ABCA12: variants seen among roughly 807,000 people sequenced by gnomAD.
The protein encoded by ABCA12 is ATP binding cassette subfamily A member 12.
Under a neutral mutation model 293.5 loss-of-function variants are expected in ABCA12, and 156 were observed. The ratio of observed to expected loss-of-function variants is 0.53; its 90% CI spans 0.47 to 0.61. The LOEUF (loss-of-function observed/expected upper bound fraction) is 0.61, where lower values mean the gene tolerates loss of function less well. Ranked by LOEUF, ABCA12 falls within the 20% of genes least tolerant of loss-of-function variation. ABCA12 has a pLI of 0.00. For synonymous variants in ABCA12, 1,063 were observed against 1,108.0 expected, an observed-to-expected ratio of 0.96 and a Z score of 0.81; for missense variants, 2,797 against 3,090.2, an observed-to-expected ratio of 0.91 and a Z score of 2.25.
At chr2:215,064,560 T>A (rs1436707506) in intron 2 of ABCA12, among the ~76,000 whole-genome samples, 1 of 152,014 alleles carries the variant, frequency 6.6e-6, no homozygotes, top group Non-Finnish European at 1.5e-5. Context: ...TCACAGTGTA[T>A]CCACATGATA....
intron 11 of ABCA12, chr2:215,020,621 T>C (rs1177129923): frequency 6.6e-6 from 1 of 152,228 alleles, no homozygotes; most frequent in African/African-American, 2.4e-5. Flanking sequence ...ACAATGTGAA[T>C]GTACTCAACA....
rs771024663 is a variant in ABCA12, at chr2:215,111,681, G to A, written c.79C>T (p.Leu27Phe). 6.2e-7 allele frequency: 1 copy of A among 1,613,068 alleles called. No homozygotes were observed. Among genetic ancestry groups the A allele is most frequent in the East Asian group, 2.2e-5 (1 of 44,726 alleles). ...LGVKRQPLWT[L>F]VLILWPVIIF... ...ATGACTGGCCATAAGATCAAGACAA[G>A]TGTCCAAAGCTGCAAAATAATGGTA... Residue 27 changes from leucine to phenylalanine, a missense_variant, in exon 2 of 53, where the codon CTT becomes TTT. Around this residue, in one of 3 missense-constraint regions of ABCA12, gnomAD observed 656 missense variants for 638.2 expected, o/e 1.03. Transcript: ENST00000272895.
At chr2:215,122,121 C>T (rs73076517) in intron 1 of ABCA12, among the ~76,000 whole-genome samples, 7,300 of 152,170 alleles carry the variant, frequency 0.048, 569 homozygotes, top group African/African-American at 0.17. Flanking sequence ...ACAGAAGCAA[C>T]GGATTTTTAT....
intron 3 of ABCA12, among the ~76,000 whole-genome samples, chr2:215,058,964 G>C (rs1401549083): frequency 6.6e-6 from 1 of 151,730 alleles, no homozygotes; most frequent in Non-Finnish European, 1.5e-5. Flanking sequence ...ACTTCCACTG[G>C]GTGTCTTTTT....
At chr2:215,014,036 C>T (rs1700434810) in intron 15 of ABCA12, among the ~76,000 whole-genome samples, 1 of 152,014 alleles carries the variant, frequency 6.6e-6, no homozygotes, top group South Asian at 2.1e-4. Context: ...CAAAAATTAG[C>T]CGGGTGTGGT....
intron 9 of ABCA12, chr2:215,030,319 G>T (rs1700843863): frequency 6.6e-6 from 1 of 152,152 alleles, no homozygotes; most frequent in Non-Finnish European, 1.5e-5. Context: ...ATTTGGCCGG[G>T]CGCAGTGGCT....
chr2:215,116,648 A>C (rs1381026639), intron 1 of ABCA12, among the ~76,000 whole-genome samples: 1 of 152,212 alleles, frequency 6.6e-6, no homozygotes, highest in African/African-American at 2.4e-5. Flanking sequence ...AGGTAAACAT[A>C]AATAAATTGA....
chr2:215,006,627 A>T (rs933175247), intron 19 of ABCA12, among the ~76,000 whole-genome samples: 2 of 152,112 alleles, frequency 1.3e-5, no homozygotes, highest in African/African-American at 4.8e-5. Context: ...CTTCCTAAGC[A>T]TGATCATACA....
intron 2 of ABCA12, among the ~76,000 whole-genome samples, chr2:215,082,294 C>T (rs1158983984): frequency 2.0e-5 from 3 of 151,866 alleles, no homozygotes; most frequent in South Asian, 2.1e-4. Flanking sequence ...CCACCTGCCT[C>T]GGCCTCCCAA....
At chr2:215,064,398 T>C (rs1458551306) in intron 2 of ABCA12, among the ~76,000 whole-genome samples, 179 bp from the exon 3 acceptor site, 1 of 151,960 alleles carries the variant, frequency 6.6e-6, no homozygotes, top group Non-Finnish European at 1.5e-5. Flanking sequence ...TTGGAGGGTG[T>C]TATGTTTAAC....
In ABCA12 at chr2:215,021,298, T is replaced by C. The variant is rs867026989; in HGVS notation, c.1288-1502A>G. Among the ~76,000 whole-genome samples, 45 of 152,236 alleles carry C rather than the reference T, an allele frequency of 3.0e-4. 1 individual carries two copies. The highest frequency in any genetic ancestry group is 1.0e-3 in the African/African-American group (42 of 41,460). Reference sequence around the variant, plus strand: ...TGTCTGCACCGTTATTGACGTTATTTTCTCTCTTAGGTATTACAGGATACT... The same window carrying C: ...TGTCTGCACCGTTATTGACGTTATTCTCTCTCTTAGGTATTACAGGATACT... On this transcript the variant is annotated intron_variant, in intron 11 of 52. Coordinates refer to ENST00000272895, the MANE Select transcript of ABCA12 (RefSeq NM_173076.3).
At chr2:215,080,819 C>T (rs928337491) in intron 2 of ABCA12, 26 of 152,824 alleles carry the variant, frequency 1.7e-4, no homozygotes, top group Non-Finnish European at 3.2e-4. Flanking sequence ...GTATTCCACT[C>T]GATGCTCTAT....
intron 50 of ABCA12, among the ~76,000 whole-genome samples, chr2:214,940,167 G>T (rs967075037): frequency 6.6e-6 from 1 of 152,108 alleles, no homozygotes; most frequent in African/African-American, 2.4e-5. Context: ...AGAGTTTTTA[G>T]CATGAAGGGG....
chr2:215,086,904 T>C (rs1004414673), intron 2 of ABCA12, among the ~76,000 whole-genome samples: 1 of 150,348 alleles, frequency 6.7e-6, no homozygotes, highest in South Asian at 2.1e-4. Context: ...GAACTTACCT[T>C]TCTCTAACTA....
intron 5 of ABCA12, among the ~76,000 whole-genome samples, chr2:215,051,572 T>C (rs183961259): frequency 6.7e-6 from 1 of 148,664 alleles, no homozygotes; most frequent in East Asian, 2.0e-4. Context: ...AAAGAAATGG[T>C]TGCTATATAA....
At chr2:214,981,538 C>T (rs1026972650) in intron 30 of ABCA12, among the ~76,000 whole-genome samples, 3 of 151,972 alleles carry the variant, frequency 2.0e-5, no homozygotes, top group South Asian at 2.1e-4. Flanking sequence ...CTCAAAAAGG[C>T]CAGTTAAGTG....
chr2:215,134,548 G>GCA (rs1559214217), intron 1 of ABCA12, among the ~76,000 whole-genome samples: 21 of 111,760 alleles, frequency 1.9e-4, no homozygotes, highest in African/African-American at 5.8e-4. Context: ...ACATATATAC[G>GCA]TATATGTATA....
At chr2:214,997,480 T>G (rs1451192430) in intron 23 of ABCA12, among the ~76,000 whole-genome samples, 2 of 152,226 alleles carry the variant, frequency 1.3e-5, no homozygotes, top group Non-Finnish European at 2.9e-5. Flanking sequence ...GATGTTGTTT[T>G]TCAAAAGCAC....
At chr2:215,112,646 C>T (rs1347169610) in intron 1 of ABCA12, among the ~76,000 whole-genome samples, 11 of 151,638 alleles carry the variant, frequency 7.3e-5, no homozygotes, top group African/African-American at 1.5e-4. Context: ...TACAGGCACC[C>T]GCCACCACGC....
Sources: allele counts gnomAD v4.1 joint callset (sites outside exome capture counted in the v4.1 genomes callset), GRCh38; gene constraint gnomAD v4.1.1; regional missense constraint gnomAD v4.1.1; transcripts MANE v1.5; gene names NCBI Gene and HGNC (gene_info 2026-07-23, HGNC 2026-07-21).